Variants in ZNF804B observed in about 807,000 individuals in gnomAD.
ZNF804B encodes zinc finger protein 804B, also known as zinc finger 804B.
A neutral mutation model predicts 101.4 loss-of-function variants in ZNF804B; 80 were observed. The observed-to-expected ratio is 0.79, with a 90% CI of 0.66 to 0.95. ZNF804B has a LOEUF of 0.95. Ranked by LOEUF, ZNF804B falls within the 40% of genes least tolerant of loss-of-function variation. ZNF804B has a pLI of 0.00. For synonymous variants in ZNF804B, 622 were observed against 558.8 expected (o/e 1.11, Z -1.59); for missense variants, 1,673 against 1,561.9 (o/e 1.07, Z -1.20).
intron 1 of ZNF804B, among the ~76,000 whole-genome samples, chr7:89,081,091 A>G (rs1488281961): frequency 6.6e-6 from 1 of 151,896 alleles, no homozygotes; most frequent in Non-Finnish European, 1.5e-5. Flanking sequence ...TGTTGGAGCA[A>G]TAGAGATGAA....
chr7:89,153,056 T>C (rs1170388217), intron 1 of ZNF804B, among the ~76,000 whole-genome samples: 1 of 151,952 alleles, frequency 6.6e-6, no homozygotes, highest in Non-Finnish European at 1.5e-5. Context: ...CAAAAGCAAA[T>C]ACTATATTTT....
intron 2 of ZNF804B, among the ~76,000 whole-genome samples, chr7:89,233,511 G>A (rs1261543054): frequency 6.6e-6 from 1 of 152,062 alleles, no homozygotes; most frequent in African/African-American, 2.4e-5. Flanking sequence ...CATTTTAAAG[G>A]TGTACTTACA....
chr7:88,818,652 CCATAG>C (rs1790923913), intron 1 of ZNF804B, among the ~76,000 whole-genome samples: 1 of 152,118 alleles, frequency 6.6e-6, no homozygotes, highest in Non-Finnish European at 1.5e-5. Context: ...TGAGGGGATT[CCATAG>C]CATAGGATAT....
chr7:89,171,294 T>G (rs147254652), intron 1 of ZNF804B, among the ~76,000 whole-genome samples: 6,779 of 51,896 alleles, frequency 0.13, 288 homozygotes, highest in African/African-American at 0.19. Context: ...TGCTGCTTCT[T>G]CTTCTTCTTC....
intron 2 of ZNF804B, among the ~76,000 whole-genome samples, chr7:89,228,943 A>C (rs940511553): frequency 3.3e-5 from 5 of 152,134 alleles, no homozygotes; most frequent in Non-Finnish European, 7.4e-5. Context: ...CCGGGGGAGA[A>C]ATTGAGCACA....
At chr7:89,101,812 T>C (rs765903196) in intron 1 of ZNF804B, among the ~76,000 whole-genome samples, 2 of 151,952 alleles carry the variant, frequency 1.3e-5, no homozygotes, top group Non-Finnish European at 2.9e-5. Flanking sequence ...ATTATTTAAG[T>C]GTTGGATATT....
intron 1 of ZNF804B, among the ~76,000 whole-genome samples, chr7:89,142,808 G>T (rs1790736697): frequency 6.6e-6 from 1 of 151,940 alleles, no homozygotes. Context: ...GGAATTCTGG[G>T]TTGAGATGTA....
intron 2 of ZNF804B, among the ~76,000 whole-genome samples, chr7:89,230,552 G>A (rs1342434368): frequency 2.0e-5 from 3 of 152,018 alleles, no homozygotes; most frequent in Admixed American, 6.5e-5. Context: ...TAAATAAGAC[G>A]GTATGGTATC....
intron 1 of ZNF804B, among the ~76,000 whole-genome samples, chr7:89,161,179 AG>A (rs1791057151): frequency 6.6e-6 from 1 of 152,062 alleles, no homozygotes; most frequent in South Asian, 2.1e-4. Flanking sequence ...AGCCTGTGAA[AG>A]CACACTGGGC....
intron 2 of ZNF804B, among the ~76,000 whole-genome samples, chr7:89,237,122 A>G (rs1172881024): frequency 6.6e-6 from 1 of 152,172 alleles, no homozygotes; most frequent in African/African-American, 2.4e-5. Flanking sequence ...AAAAATTGTG[A>G]AGAAACTTAG....
chr7:89,034,793 A>G (rs1788899612), intron 1 of ZNF804B, among the ~76,000 whole-genome samples: 1 of 152,094 alleles, frequency 6.6e-6, no homozygotes, highest in Non-Finnish European at 1.5e-5. Context: ...GTCAAATGGT[A>G]TTTCTGGTTG....
chr7:89,030,783 A>G (rs1045716856), intron 1 of ZNF804B, among the ~76,000 whole-genome samples: 1 of 152,160 alleles, frequency 6.6e-6, no homozygotes, highest in African/African-American at 2.4e-5. Context: ...CTTAGCACAT[A>G]ATAAAGGGCC....
At chr7:89,141,848 A>C (rs1790722497) in intron 1 of ZNF804B, among the ~76,000 whole-genome samples, 1 of 151,154 alleles carries the variant, frequency 6.6e-6, no homozygotes, top group Admixed American at 6.6e-5. Flanking sequence ...GACTTCCAAA[A>C]GCTCCTGAAA....
chr7:88,956,777 A>T (rs886472118), intron 1 of ZNF804B, among the ~76,000 whole-genome samples: 1 of 151,438 alleles, frequency 6.6e-6, no homozygotes, highest in Non-Finnish European at 1.5e-5. Context: ...ATACTGTGAA[A>T]ATCATATTGG....
At chr7:89,113,838 A>C (rs888992402) in intron 1 of ZNF804B, among the ~76,000 whole-genome samples, 2 of 151,908 alleles carry the variant, frequency 1.3e-5, no homozygotes, top group Admixed American at 6.6e-5. Flanking sequence ...AATCCTAGCT[A>C]TTCAGGAGGC....
At chr7:89,124,106 T>C (rs908038736) in intron 1 of ZNF804B, among the ~76,000 whole-genome samples, 1 of 152,146 alleles carries the variant, frequency 6.6e-6, no homozygotes, top group Non-Finnish European at 1.5e-5. Context: ...GTCATGTCCC[T>C]CTGGCTTCTG....
chr7:89,057,779 A>G (rs557035753), intron 1 of ZNF804B, among the ~76,000 whole-genome samples: 1 of 152,094 alleles, frequency 6.6e-6, no homozygotes, highest in African/African-American at 2.4e-5. Flanking sequence ...ATTCTGTACT[A>G]TTAAATTTTT....
intron 1 of ZNF804B, among the ~76,000 whole-genome samples, chr7:89,216,180 G>A (rs949016889): frequency 6.6e-6 from 1 of 152,012 alleles, no homozygotes; most frequent in Non-Finnish European, 1.5e-5. Context: ...GGTGGCGCGC[G>A]CCTATAATCC....
chr7:88,873,831 C>T (rs1195392739), intron 1 of ZNF804B, among the ~76,000 whole-genome samples: 1 of 152,108 alleles, frequency 6.6e-6, no homozygotes, highest in Non-Finnish European at 1.5e-5. Context: ...TGATCTATAT[C>T]TTTGTTTTGG....
Sources: gnomAD v4.1 joint callset for allele counts (sites outside exome capture counted in the v4.1 genomes callset) on GRCh38, gnomAD v4.1.1 for gene constraint, MANE v1.5 for transcripts, NCBI Gene and HGNC (gene_info 2026-07-23, HGNC 2026-07-21) for gene names.